SDK1: variants seen among roughly 807,000 people sequenced by gnomAD.
SDK1 encodes the protein sidekick cell adhesion molecule 1, also known as protein sidekick-1.
A neutral mutation model predicts 245.5 loss-of-function variants in SDK1; 157 were observed. That is an observed-to-expected ratio of 0.64 (90% confidence interval 0.56 to 0.73). The LOEUF (loss-of-function observed/expected upper bound fraction) is 0.73. SDK1 is among the 30% of genes least tolerant of loss of function. The pLI, the probability that SDK1 is intolerant of heterozygous loss-of-function variation, is 0.00. For synonymous variants in SDK1, 1,647 were observed against 1,278.5 expected (o/e 1.29, Z -6.15); for missense variants, 3,583 against 3,002.3 (o/e 1.19, Z -4.52).
At chr7:3,645,244 C>G (rs917032386) in intron 4 of SDK1, among the ~76,000 whole-genome samples, 1 of 152,152 alleles carries the variant, frequency 6.6e-6, no homozygotes, top group South Asian at 2.1e-4. Flanking sequence ...GGTGTAATAT[C>G]AAACAAATGG....
chr7:4,173,963 T>C (rs1474745732), intron 32 of SDK1, among the ~76,000 whole-genome samples: 1 of 152,196 alleles, frequency 6.6e-6, no homozygotes, highest in Non-Finnish European at 1.5e-5. Context: ...ATTTGAGGAT[T>C]TGAGCTGGAC....
intron 1 of SDK1, among the ~76,000 whole-genome samples, chr7:3,576,224 C>G (rs558558788): frequency 6.6e-6 from 1 of 152,148 alleles, no homozygotes; most frequent in South Asian, 2.1e-4. Context: ...GCCATTCAGA[C>G]TTCTCTTTTA....
At chr7:3,661,630 G>T (rs558125368) in intron 4 of SDK1, among the ~76,000 whole-genome samples, 67 of 152,240 alleles carry the variant, frequency 4.4e-4, no homozygotes, top group Middle Eastern at 3.4e-3. Flanking sequence ...TAAATTCTTA[G>T]TGTGAAATGC....
At chr7:3,747,009 T>G (rs1779644123) in intron 4 of SDK1, among the ~76,000 whole-genome samples, 1 of 152,238 alleles carries the variant, frequency 6.6e-6, no homozygotes, top group Non-Finnish European at 1.5e-5. Flanking sequence ...TCTTAAATAG[T>G]AAGACGTGAA....
At chr7:3,718,623 A>G (rs971379686) in intron 4 of SDK1, among the ~76,000 whole-genome samples, 5 of 152,128 alleles carry the variant, frequency 3.3e-5, no homozygotes, top group East Asian at 1.9e-4. Context: ...ATTCTCAGCA[A>G]TCTAGTTATA....
chr7:3,573,643 A>G lies in SDK1; in HGVS notation c.299-45437A>G, dbSNP rs114619619. 2.6e-3 allele frequency among the ~76,000 whole-genome samples: 400 copies of G among 152,068 alleles called. 2 individuals are homozygous for G. The highest frequency in any genetic ancestry group is 9.1e-3 in the African/African-American group (380 of 41,538). ...TTGAATATGAAAAAACAATAATCAAATGATCTTCTTCCCAGGAGTTGAGTC... is the reference window on the plus strand; with the variant it reads ...TTGAATATGAAAAAACAATAATCAAGTGATCTTCTTCCCAGGAGTTGAGTC... On this transcript the variant is annotated intron_variant, in intron 1 of 44. Coordinates refer to ENST00000404826, the MANE Select transcript of SDK1 (RefSeq NM_152744.4).
chr7:4,247,175 A>G (rs1248610969), intron 44 of SDK1, among the ~76,000 whole-genome samples: 4 of 152,138 alleles, frequency 2.6e-5, no homozygotes, highest in Non-Finnish European at 5.9e-5. Flanking sequence ...TCTCACCTTC[A>G]TTTTAACCTG....
intron 1 of SDK1, among the ~76,000 whole-genome samples, chr7:3,570,122 A>T (rs961581052): frequency 2.6e-5 from 4 of 152,198 alleles, no homozygotes; most frequent in African/African-American, 9.7e-5. Context: ...GTTTGGGCCA[A>T]GCCTTGGACT....
At chr7:3,764,017 C>T (rs1237187426) in intron 4 of SDK1, among the ~76,000 whole-genome samples, 2 of 152,142 alleles carry the variant, frequency 1.3e-5, no homozygotes, top group African/African-American at 2.4e-5. Context: ...AAATTTTTGC[C>T]ATAGAAAATA....
chr7:3,792,671 AC>A (rs1364684569), intron 4 of SDK1, among the ~76,000 whole-genome samples: 8 of 137,912 alleles, frequency 5.8e-5, no homozygotes, highest in Admixed American at 1.4e-4. Flanking sequence ...TCTAACTACT[AC>A]CCCCTCCTCC....
Position 4,005,894 on chromosome 7 carries a change from G to A in SDK1, c.2132-5072G>A, listed in dbSNP as rs146730831. ...AAAAATACAAAAATTAGCCGGGCAC[G>A]GTGGCACACACCTGTGGTCCCAGCC... On this transcript the variant is annotated intron_variant, in intron 14 of 44. Coordinates refer to ENST00000404826, the MANE Select transcript of SDK1 (RefSeq NM_152744.4). Among the ~76,000 whole-genome samples, 940 of 152,212 alleles carry A rather than the reference G, an allele frequency of 6.2e-3. 13 individuals are homozygous for A. Among genetic ancestry groups the A allele is most frequent in the African/African-American group, 0.022 (897 of 41,532 alleles).
intron 1 of SDK1, among the ~76,000 whole-genome samples, chr7:3,384,335 A>G (rs183988725): frequency 1.3e-5 from 2 of 152,100 alleles, no homozygotes; most frequent in South Asian, 4.1e-4. Context: ...TAAAACTTTG[A>G]TTTTTAATAA....
At chr7:4,146,771 G>T (rs1417339179) in intron 29 of SDK1, among the ~76,000 whole-genome samples, 2 of 152,242 alleles carry the variant, frequency 1.3e-5, no homozygotes, top group Non-Finnish European at 2.9e-5. Flanking sequence ...CACGGAGACA[G>T]GTGCTCCATG....
chr7:3,574,223 TCTC>T lies in SDK1; in HGVS notation c.299-44854_299-44852del, dbSNP rs566886520. Among the ~76,000 whole-genome samples, 101 of 151,940 alleles carry T rather than the reference TCTC, an allele frequency of 6.6e-4. 1 individual carries two copies. The highest frequency in any genetic ancestry group is 1.1e-3 in the Non-Finnish European group (73 of 67,880). ...CCTCCACCTCCTAGATTCAAGCAATTCTCCTGTCTCAGCCTCCCGAGCAGCTGG... is the reference window on the plus strand; with the variant it reads ...CCTCCACCTCCTAGATTCAAGCAATTCTGTCTCAGCCTCCCGAGCAGCTGG... On this transcript the variant is annotated intron_variant, in intron 1 of 44. Coordinates refer to ENST00000404826, the MANE Select transcript of SDK1 (RefSeq NM_152744.4).
chr7:3,638,127 C>T (rs544275459), intron 2 of SDK1, among the ~76,000 whole-genome samples: 1 of 152,328 alleles, frequency 6.6e-6, no homozygotes, highest in Non-Finnish European at 1.5e-5. Flanking sequence ...CTCCTGTGTG[C>T]ATGGCACTGT....
intron 1 of SDK1, among the ~76,000 whole-genome samples, chr7:3,599,459 A>G (rs959210132): frequency 3.9e-5 from 6 of 152,162 alleles, no homozygotes; most frequent in African/African-American, 1.4e-4. Flanking sequence ...TGAAGAGCAG[A>G]AGGTTTTAAT....
intron 1 of SDK1, among the ~76,000 whole-genome samples, chr7:3,369,329 G>A (rs887279478): frequency 1.3e-5 from 2 of 152,102 alleles, no homozygotes; most frequent in African/African-American, 4.8e-5. Context: ...ACGTGACCCA[G>A]TGCACCCACC....
intron 2 of SDK1, among the ~76,000 whole-genome samples, chr7:3,619,520 C>T (rs1205519469): frequency 6.6e-6 from 1 of 152,164 alleles, no homozygotes; most frequent in Non-Finnish European, 1.5e-5. Flanking sequence ...ATGCCAATAA[C>T]AGCTTTGGTA....
At chr7:3,774,583 A>C (rs1303726545) in intron 4 of SDK1, among the ~76,000 whole-genome samples, 1 of 152,186 alleles carries the variant, frequency 6.6e-6, no homozygotes, top group African/African-American at 2.4e-5. Flanking sequence ...TGGAAGCCTT[A>C]AGTAGCCTCC....
Sources: gnomAD v4.1 joint callset for allele counts (sites outside exome capture counted in the v4.1 genomes callset) on GRCh38, gnomAD v4.1.1 for gene constraint, MANE v1.5 for transcripts, NCBI Gene and HGNC (gene_info 2026-07-23, HGNC 2026-07-21) for gene names.